SEMA3F: variants seen among roughly 807,000 people sequenced by gnomAD.
SEMA3F encodes the protein semaphorin-3F.
Under a neutral mutation model 98.5 loss-of-function variants are expected in SEMA3F, and 30 were observed. The ratio of observed to expected loss-of-function variants is 0.30; its 90% CI spans 0.23 to 0.41. The LOEUF is 0.41. SEMA3F is among the 10% of genes least tolerant of loss of function. The probability of loss-of-function intolerance (pLI) is 1.00; values close to 1 mark genes in which losing one functional copy is unlikely to be tolerated. For synonymous variants in SEMA3F, 380 were observed against 444.8 expected (o/e 0.85, Z 1.83); for missense variants, 866 against 1,119.3 (o/e 0.77, Z 3.23).
intron 2 of SEMA3F, 122 bp downstream of exon 2, chr3:50,159,856 G>A: frequency 2.9e-6 from 2 of 692,988 alleles, no homozygotes; most frequent in Non-Finnish European, 5.0e-6. Context: ...CAGCCACATA[G>A]GTTGTGGGGG....
rs768658274 is a variant in SEMA3F, at chr3:50,182,429, C to T, written c.763+26C>T. ...GTAAGCGCAGCCCCAGGAGCCCTTC[C>T]GTGGCCATGTGTCTGGGATGCGGCA... On this transcript the variant is annotated intron_variant, in intron 8 of 18. Transcript: ENST00000002829. The surrounding 1 kb of genome is among the most constrained non-coding windows in gnomAD (Gnocchi z 4.5). 2.1e-5 allele frequency: 34 copies of T among 1,612,382 alleles called. No individual in the cohort carries two copies. Among genetic ancestry groups the T allele is most frequent in the Admixed American group, 1.2e-4 (7 of 60,024 alleles).
At chr3:50,155,151 C>G (rs1456057327), upstream of SEMA3F, 2 of 376,596 alleles carry the variant, frequency 5.3e-6, no homozygotes, top group Non-Finnish European at 9.6e-6. This position sits in a 1 kb window ranked among gnomAD's most constrained non-coding sequence, Gnocchi z 4.9. Context: ...GACCTGGGTA[C>G]GCCGCGAGGA....
chr3:50,175,918 G>T (rs1007665945), intron 6 of SEMA3F, among the ~76,000 whole-genome samples: 1 of 152,118 alleles, frequency 6.6e-6, no homozygotes, highest in African/African-American at 2.4e-5. Flanking sequence ...TGTGTAGCTG[G>T]AAGTAGGCCT....
rs981089754 is a variant in SEMA3F, at chr3:50,158,277, A to AGC, written c.-48-1296_-48-1295dup. Among the ~76,000 whole-genome samples the AGC allele has an allele frequency of 1.1e-4, 17 of 152,232 alleles. No homozygotes were observed. Among genetic ancestry groups the AGC allele is most frequent in the African/African-American group, 4.1e-4 (17 of 41,466 alleles). ...TGACAGGGGATCTGGAAGGACCATG[A>AGC]GCGGTGTGCCAGGCCCTCGGGAGAG... On this transcript the variant is annotated intron_variant, in intron 1 of 18. Coordinates refer to ENST00000002829, the MANE Select transcript of SEMA3F (RefSeq NM_004186.5). This position sits in a 1 kb window ranked among gnomAD's most constrained non-coding sequence, Gnocchi z 4.8.
Position 50,185,535 on chromosome 3 carries a change from G to T in SEMA3F, c.1545+4G>T. 1 of 1,613,742 alleles carries T rather than the reference G, an allele frequency of 6.2e-7. No homozygotes were observed. Among genetic ancestry groups the T allele is most frequent in the Non-Finnish European group, 8.5e-7 (1 of 1,179,736 alleles). ...GGAGGAGGTGGAGGTCTTCAAGGTG[G>T]GTGTGACACCACCCAGTCCTGACCT... On this transcript the variant is annotated splice_donor_region_variant and intron_variant, in intron 14 of 18. Coordinates refer to ENST00000002829, the MANE Select transcript of SEMA3F (RefSeq NM_004186.5).
At chr3:50,185,422 G>T in intron 13 of SEMA3F, 21 bp from the exon 14 acceptor site, 1 of 1,604,688 alleles carries the variant, frequency 6.2e-7, no homozygotes, top group Non-Finnish European at 8.5e-7. Context: ...CCCCACTGAG[G>T]CCCTGCCCGG....
intron 11 of SEMA3F, 71 bp downstream of exon 11, chr3:50,183,326 C>T: frequency 6.2e-7 from 1 of 1,604,772 alleles, no homozygotes; most frequent in Non-Finnish European, 8.5e-7. Flanking sequence ...GTGGAGAACC[C>T]CAGCCCGGTG....
chr3:50,184,231 G>GT, intron 12 of SEMA3F: 1 of 299,458 alleles, frequency 3.3e-6, no homozygotes, highest in Non-Finnish European at 6.4e-6. Context: ...AAGGACGTCG[G>GT]GGCCTGCAGT....
At chr3:50,160,630 C>G (rs537194791) in intron 2 of SEMA3F, among the ~76,000 whole-genome samples, 1 of 152,224 alleles carries the variant, frequency 6.6e-6, no homozygotes, top group African/African-American at 2.4e-5. Flanking sequence ...CTTGGCCCTC[C>G]TCTGGCCAGA....
chr3:50,162,326 G>A (rs894815089), intron 2 of SEMA3F, among the ~76,000 whole-genome samples: 1 of 152,222 alleles, frequency 6.6e-6, no homozygotes, highest in Non-Finnish European at 1.5e-5. Context: ...AAGGGTGTGA[G>A]GGTCAAGCAG....
chr3:50,155,058 G>A (rs1575364220), upstream of SEMA3F: 1 of 359,050 alleles, frequency 2.8e-6, no homozygotes. The surrounding 1 kb of genome is among the most constrained non-coding windows in gnomAD (Gnocchi z 4.9). Context: ...GCGCGGCTCT[G>A]AGCGCCCCGT....
intron 12 of SEMA3F, among the ~76,000 whole-genome samples, chr3:50,183,930 G>C (rs1699113637): frequency 6.6e-6 from 1 of 152,196 alleles, no homozygotes; most frequent in African/African-American, 2.4e-5. Flanking sequence ...CCAGGCCTCA[G>C]GCAGGGTCTC....
chr3:50,161,841 T>C (rs1469188969), intron 2 of SEMA3F, among the ~76,000 whole-genome samples: 1 of 152,198 alleles, frequency 6.6e-6, no homozygotes, highest in Non-Finnish European at 1.5e-5. Context: ...CCCCCTACAC[T>C]GGGTGGTCTC....
At chr3:50,184,462 A>C (rs533496090) in intron 12 of SEMA3F, 130 bp from the exon 13 acceptor site, 8 of 689,826 alleles carry the variant, frequency 1.2e-5, no homozygotes, top group Admixed American at 9.1e-5. Flanking sequence ...AGAAACTTGG[A>C]GAGCGGGTTT....
rs1349364819 is a variant in SEMA3F at position 50,182,631 on chromosome 3, C to T, written c.764-13C>T. 1.2e-6 allele frequency: 2 copies of T among 1,609,618 alleles called. No individual in the cohort carries two copies. The highest frequency in any genetic ancestry group is 2.2e-5 in the South Asian group (2 of 90,832). ...GAGTAGGGGCTCACCCAGCTGACCC[C>T]TGCCACCTGCAGACCCGTCGTTCAT... On this transcript the variant is annotated splice_polypyrimidine_tract_variant and intron_variant, in intron 8 of 18. Coordinates refer to ENST00000002829, the MANE Select transcript of SEMA3F (RefSeq NM_004186.5). The surrounding 1 kb of genome is among the most constrained non-coding windows in gnomAD (Gnocchi z 4.5).
chr3:50,178,800 G>C (rs1698911503), intron 7 of SEMA3F, among the ~76,000 whole-genome samples: 1 of 149,854 alleles, frequency 6.7e-6, no homozygotes, highest in Non-Finnish European at 1.5e-5. Flanking sequence ...ATAGAGCTCA[G>C]GCAGAGTAGA....
rs778969881 is a variant in SEMA3F, at chr3:50,159,587, T to A, written c.-36T>A. 1.5e-6 allele frequency: 2 copies of A among 1,309,448 alleles called. No individual in the cohort carries two copies. The highest frequency in any genetic ancestry group is 4.0e-5 in the Admixed American group (2 of 50,082). The allele number at this position is 1,309,448 out of a possible 1,614,324, so 81.1% of individuals were successfully genotyped here. A position where few individuals can be genotyped will look rare whatever the true frequency, so the allele number is the denominator to read the frequency against. On this transcript the variant is annotated 5_prime_UTR_variant, in exon 2 of 19. Transcript: ENST00000002829. Reference sequence around the variant, plus strand: ...TTCCCCTTCCCAGGTTTCTAGAGAGTGGAGCCTGCTTCCTGGGCCCTAGGC... The same window carrying A: ...TTCCCCTTCCCAGGTTTCTAGAGAGAGGAGCCTGCTTCCTGGGCCCTAGGC...
chr3:50,186,986 TG>T (rs1484351597), intron 18 of SEMA3F, among the ~76,000 whole-genome samples: 1 of 152,172 alleles, frequency 6.6e-6, no homozygotes, highest in African/African-American at 2.4e-5. Context: ...CATACCACAT[TG>T]GGGGTGTACC....
chr3:50,160,487 G>A (rs975833403), intron 2 of SEMA3F, among the ~76,000 whole-genome samples: 7 of 152,200 alleles, frequency 4.6e-5, no homozygotes, highest in African/African-American at 1.4e-4. Context: ...ACACACATGG[G>A]TGTACAAATG....
Sources: allele counts gnomAD v4.1 joint callset (sites outside exome capture counted in the v4.1 genomes callset), GRCh38; gene constraint gnomAD v4.1.1; non-coding constraint Gnocchi (gnomAD v3.1); transcripts MANE v1.5; gene names NCBI Gene and HGNC (gene_info 2026-07-23, HGNC 2026-07-21).